SEL1L: variants seen among roughly 807,000 people sequenced by gnomAD.
SEL1L encodes SEL1L adaptor subunit of SYVN1 ubiquitin ligase.
A neutral mutation model predicts 109.8 loss-of-function variants in SEL1L; 52 were observed. That is an observed-to-expected ratio of 0.47 (90% CI 0.38 to 0.60). SEL1L has a LOEUF of 0.60. Among genes scored for constraint, SEL1L ranks in the 20% least tolerant of loss-of-function variants. The pLI is 0.00. For synonymous variants in SEL1L, 373 were observed against 339.6 expected, an observed-to-expected ratio of 1.10 and a Z score of -1.08; for missense variants, 749 against 962.2, an observed-to-expected ratio of 0.78 and a Z score of 2.93.
chr14:81,489,130 G>C lies in SEL1L; in HGVS notation c.1395+122C>G. 4 of 809,488 alleles carry C rather than the reference G, an allele frequency of 4.9e-6. No homozygotes were observed. In the East Asian group the frequency reaches 7.4e-5, roughly 15 times the overall value. 50.1% of individuals were successfully genotyped at this position (809,488 alleles called of 1,614,324 possible). Reference sequence around the variant, plus strand: ...GAGACAAACTCAGACAACAGAAAGAGGTTCAGCTTTGCTTACAATGGAACA... The same window carrying C: ...GAGACAAACTCAGACAACAGAAAGACGTTCAGCTTTGCTTACAATGGAACA... On this transcript the variant is annotated intron_variant, in intron 14 of 20. Coordinates refer to ENST00000336735, the MANE Select transcript of SEL1L (RefSeq NM_005065.6).
chr14:81,499,867 T>C (rs909641227), intron 6 of SEL1L, among the ~76,000 whole-genome samples: 3 of 151,456 alleles, frequency 2.0e-5, no homozygotes, highest in African/African-American at 7.3e-5. Flanking sequence ...AAATTAAATG[T>C]AGCATTATTT....
At chr14:81,509,997 G>A (rs1430386802) in intron 3 of SEL1L, among the ~76,000 whole-genome samples, 1 of 152,222 alleles carries the variant, frequency 6.6e-6, no homozygotes, top group Non-Finnish European at 1.5e-5. Flanking sequence ...CGTCAACACG[G>A]AAGGAATTAA....
chr14:81,505,407 A>C (rs984379537), intron 4 of SEL1L, among the ~76,000 whole-genome samples: 1 of 152,224 alleles, frequency 6.6e-6, no homozygotes, highest in Non-Finnish European at 1.5e-5. Context: ...ATATAAAAAA[A>C]TTCTGGTGCA....
At chr14:81,511,742 A>C (rs1884483849) in intron 3 of SEL1L, among the ~76,000 whole-genome samples, 1 of 152,238 alleles carries the variant, frequency 6.6e-6, no homozygotes, top group Non-Finnish European at 1.5e-5. Context: ...TTGCTCAACA[A>C]ACTTGCTTCA....
rs1047243792 is a variant in SEL1L at position 81,476,217 on chromosome 14, T to C, written c.*755A>G. 2.6e-5 allele frequency: 4 copies of C among 152,154 alleles called. No individual in the cohort carries two copies. Among genetic ancestry groups the C allele is most frequent in the African/African-American group, 9.7e-5 (4 of 41,416 alleles). The allele number at this position is 152,154 out of a possible 1,614,324, so 9.4% of individuals were successfully genotyped here. A position where few individuals can be genotyped will look rare whatever the true frequency, so the allele number is the denominator to read the frequency against. On this transcript the variant is annotated 3_prime_UTR_variant, in exon 21 of 21. Coordinates refer to ENST00000336735, the MANE Select transcript of SEL1L (RefSeq NM_005065.6). Reference sequence around the variant, plus strand: ...ACAAACAAGCAAATTACAGAGTAGGTGGGGCAAACTCGCGTTAGTGCAAGG... The same window carrying C: ...ACAAACAAGCAAATTACAGAGTAGGCGGGGCAAACTCGCGTTAGTGCAAGG...
chr14:81,514,700 C>A (rs1228148331), intron 3 of SEL1L, among the ~76,000 whole-genome samples: 1 of 152,072 alleles, frequency 6.6e-6, no homozygotes, highest in East Asian at 1.9e-4. Flanking sequence ...GAGAAACAAA[C>A]CAAAACCGCG....
rs769308341 is a variant in SEL1L, at chr14:81,533,677, G to A, written c.68C>T (p.Ser23Leu). 6.2e-6 allele frequency: 10 copies of A among 1,612,814 alleles called. No homozygotes were observed. The highest frequency in any genetic ancestry group is 1.7e-4 in the Middle Eastern group (1 of 6,058). Residue 23 changes from serine to leucine, a missense_variant and splice_region_variant, in exon 1 of 21, where the codon TCG becomes TTG. Physicochemically the swap from Ser to Leu is moderately radical, Grantham distance 145. Around this residue, in one of 2 missense-constraint regions of SEL1L, gnomAD observed 366 missense variants for 399.8 expected, o/e 0.92. Transcript: ENST00000336735. ...AGCCCGAGGGGGCGGATACTGACCC[G>A]AGGACGCCGAGGCCAAGCTCAGCAG... ...AVLLSLASAS[S>L]DEEGSQDESL...
intron 20 of SEL1L, among the ~76,000 whole-genome samples, chr14:81,478,423 TA>T (rs557694152): frequency 2.6e-5 from 4 of 152,060 alleles, no homozygotes; most frequent in Admixed American, 1.3e-4. Flanking sequence ...ACTTCTGTAT[TA>T]AAAAAAACAG....
At chr14:81,522,189 A>C (rs997171093) in intron 3 of SEL1L, among the ~76,000 whole-genome samples, 35 of 152,230 alleles carry the variant, frequency 2.3e-4, no homozygotes, top group African/African-American at 7.2e-4. Context: ...CCATAAACGA[A>C]GGTTAATTTA....
intron 3 of SEL1L, among the ~76,000 whole-genome samples, chr14:81,507,234 G>C (rs1231828844): frequency 2.0e-5 from 3 of 152,208 alleles, no homozygotes; most frequent in Admixed American, 2.0e-4. Flanking sequence ...GCATAGGAGT[G>C]ACATGCTCAC....
intron 20 of SEL1L, among the ~76,000 whole-genome samples, chr14:81,478,232 A>T (rs1269154039): frequency 6.6e-6 from 1 of 152,208 alleles, no homozygotes; most frequent in Non-Finnish European, 1.5e-5. Context: ...TTTCTGGAAA[A>T]AAAATGACAA....
intron 1 of SEL1L, 88 bp downstream of exon 1, chr14:81,533,587 C>T: frequency 1.5e-6 from 2 of 1,300,512 alleles, no homozygotes; most frequent in Non-Finnish European, 2.2e-6. Flanking sequence ...GAACGGGGTC[C>T]CGAGCCTGGA....
chr14:81,500,480 C>T (rs1883958899), intron 6 of SEL1L, among the ~76,000 whole-genome samples: 1 of 152,124 alleles, frequency 6.6e-6, no homozygotes, highest in African/African-American at 2.4e-5. Flanking sequence ...TTGTGATCTG[C>T]CTGCCTTGGC....
chr14:81,471,900 C>T lies in SEL1L; in HGVS notation c.*5072G>A, dbSNP rs954901456. ...CAGTACCTCCTTTTGAACTGATTAA[C>T]GCTCACTTTTTCTTATTCGTAAAAA... On this transcript the variant is annotated 3_prime_UTR_variant, in exon 21 of 21. Transcript: ENST00000336735. The T allele has an allele frequency of 6.6e-6, 1 of 152,176 alleles. No individual in the cohort carries two copies. Among genetic ancestry groups the T allele is most frequent in the Non-Finnish European group, 1.5e-5 (1 of 68,036 alleles). 9.4% of individuals were successfully genotyped at this position (152,176 alleles called of 1,614,324 possible).
chr14:81,497,864 A>G (rs756487940), intron 10 of SEL1L, 28 bp downstream of exon 10: 1 of 1,601,764 alleles, frequency 6.2e-7, no homozygotes, highest in South Asian at 1.1e-5. Flanking sequence ...TGCAGTAAAG[A>G]TATTTGGTGA....
chr14:81,489,365 T>C (rs773627737), intron 13 of SEL1L, 51 bp from the exon 14 acceptor site: 42 of 1,411,476 alleles, frequency 3.0e-5, no homozygotes, highest in South Asian at 9.3e-5. Context: ...CATTCAAAAA[T>C]AGGCAAGAAT....
rs1595498865 is a variant in SEL1L, at chr14:81,477,068, T to C, written c.2289A>G (p.Gln763=). 9.3e-6 allele frequency: 15 copies of C among 1,614,184 alleles called. No homozygotes were observed. Among genetic ancestry groups the C allele is most frequent in the Non-Finnish European group, 1.2e-5 (14 of 1,180,042 alleles). The part of the protein sequence containing the change: ...LLLGTVIAYR[Q]RQHQDMPAPR... ...GTGCAGGCATGTCTTGGTGCTGCCT[T>C]TGCCTGTAAGCTATGACTGTTCCCA... Residue 763 remains glutamine, a synonymous_variant, in exon 21 of 21, where the codon CAA becomes CAG. Coordinates refer to ENST00000336735, the MANE Select transcript of SEL1L (RefSeq NM_005065.6).
At chr14:81,515,702 C>T (rs1353227023) in intron 3 of SEL1L, among the ~76,000 whole-genome samples, 1 of 152,166 alleles carries the variant, frequency 6.6e-6, no homozygotes, top group Admixed American at 6.5e-5. Flanking sequence ...AGAACATATT[C>T]CCCTGTCACC....
In SEL1L at chr14:81,504,194, T is replaced by C. The variant is rs200380539; in HGVS notation, c.614+7A>G. On this transcript the variant is annotated splice_region_variant and intron_variant, in intron 5 of 20. Coordinates refer to ENST00000336735, the MANE Select transcript of SEL1L (RefSeq NM_005065.6). Reference sequence around the variant, plus strand: ...GGGGGAAAAGTGGACTTAGCAGTGCTACCTACTCTCTTTTTTGGCTTTTCT... The same window carrying C: ...GGGGGAAAAGTGGACTTAGCAGTGCCACCTACTCTCTTTTTTGGCTTTTCT... 4.5e-6 allele frequency: 7 copies of C among 1,562,520 alleles called. No individual in the cohort carries two copies. In the Admixed American group the frequency reaches 1.1e-4, roughly 24 times the overall value.
Sources: allele counts gnomAD v4.1 joint callset (sites outside exome capture counted in the v4.1 genomes callset), GRCh38; gene constraint gnomAD v4.1.1; regional missense constraint gnomAD v4.1.1; transcripts MANE v1.5; gene names NCBI Gene and HGNC (gene_info 2026-07-23, HGNC 2026-07-21).